The following LRFN5 variants were observed in gnomAD, a reference collection of about 807,000 sequenced individuals.
LRFN5 encodes leucine rich repeat and fibronectin type III domain containing 5, also known as leucine-rich repeat and fibronectin type-III domain-containing protein 5.
A neutral mutation model predicts 45.6 loss-of-function variants in LRFN5; 24 were observed. The ratio of observed to expected loss-of-function variants is 0.53; its 90% confidence interval spans 0.38 to 0.74. The LOEUF is 0.74. Among genes scored for constraint, LRFN5 ranks in the 30% least tolerant of loss-of-function variants. The pLI is 0.00. For synonymous variants in LRFN5, 340 were observed against 313.8 expected (o/e 1.08, Z -0.88); for missense variants, 776 against 861.5 (o/e 0.90, Z 1.24).
Position 41,887,405 on chromosome 14 carries a change from A to G in LRFN5, c.780A>G (p.Leu260=), listed in dbSNP as rs1890612724. ...GGCGTCTGTCCAGAGAAGATGACTT[A>G]GAGACCTGTGCTTCTCCTCCACTTT... is the stretch of plus-strand genomic sequence containing the variant. ...WLRRLSREDD[L]ETCASPPLLT... Residue 260 remains leucine, a synonymous_variant, in exon 3 of 6, where the codon TTA becomes TTG. Transcript: ENST00000298119. This position sits in a 1 kb window ranked among gnomAD's most constrained non-coding sequence, Gnocchi z 4.8. The G allele has an allele frequency of 6.2e-7, 1 of 1,614,100 alleles. No homozygotes were observed. Among genetic ancestry groups the G allele is most frequent in the Admixed American group, 1.7e-5 (1 of 60,012 alleles).
chr14:41,629,106 T>G (rs1017922683), intron 1 of LRFN5, among the ~76,000 whole-genome samples: 1 of 151,770 alleles, frequency 6.6e-6, no homozygotes, highest in Non-Finnish European at 1.5e-5. Context: ...GTCTCTACAT[T>G]TGCAAAAAAA....
chr14:41,740,475 C>G (rs549210608), intron 1 of LRFN5, among the ~76,000 whole-genome samples: 2 of 151,882 alleles, frequency 1.3e-5, no homozygotes, highest in African/African-American at 4.8e-5. Flanking sequence ...TCAATAGATA[C>G]AGAAAAAACA....
At chr14:41,643,100 T>G (rs1324251853) in intron 1 of LRFN5, among the ~76,000 whole-genome samples, 1 of 152,184 alleles carries the variant, frequency 6.6e-6, no homozygotes, top group Non-Finnish European at 1.5e-5. Context: ...AAATACAGCA[T>G]TTAGAAAAAT....
At chr14:41,654,524 TGA>T (rs1880285168) in intron 1 of LRFN5, among the ~76,000 whole-genome samples, 1 of 152,010 alleles carries the variant, frequency 6.6e-6, no homozygotes, top group Admixed American at 6.6e-5. Flanking sequence ...AGGATCGAGT[TGA>T]AGGGCTTAGA....
chr14:41,631,121 A>G (rs1304047493), intron 1 of LRFN5, among the ~76,000 whole-genome samples: 2 of 152,120 alleles, frequency 1.3e-5, no homozygotes, highest in East Asian at 1.9e-4. Flanking sequence ...TTAAACTCAA[A>G]CTTGCTCTCT....
At chr14:41,854,916 T>A (rs1889400432) in intron 2 of LRFN5, among the ~76,000 whole-genome samples, 1 of 152,198 alleles carries the variant, frequency 6.6e-6, no homozygotes, top group Non-Finnish European at 1.5e-5. Flanking sequence ...CTTATATGTA[T>A]CTATGGCATG....
chr14:41,747,756 A>G (rs1288249830), intron 1 of LRFN5, among the ~76,000 whole-genome samples: 2 of 152,016 alleles, frequency 1.3e-5, no homozygotes, highest in African/African-American at 4.8e-5. Flanking sequence ...AGTATTTGGA[A>G]ATTATATATA....
At chr14:41,706,026 T>C (rs916185325) in intron 1 of LRFN5, among the ~76,000 whole-genome samples, 2 of 152,236 alleles carry the variant, frequency 1.3e-5, no homozygotes, top group Non-Finnish European at 2.9e-5. Context: ...TTCAACCATA[T>C]GCACATTGAT....
At chr14:41,770,954 A>G (rs1463251303) in intron 2 of LRFN5, among the ~76,000 whole-genome samples, 3 of 150,740 alleles carry the variant, frequency 2.0e-5, no homozygotes, top group Non-Finnish European at 4.4e-5. Context: ...TTTCCTATAT[A>G]TCCTCTGAAA....
rs936649981 is a variant in LRFN5, at chr14:41,843,254, G to A, written c.-20-43352G>A. Among the ~76,000 whole-genome samples the A allele has an allele frequency of 2.0e-5, 3 of 151,392 alleles. No homozygotes were observed. In the South Asian group the frequency reaches 6.2e-4, roughly 32 times the overall value. ...TACTGTATGCATACCATCATGCCCA[G>A]CTATATTCTAAATTTGTTTTGTAGA... On this transcript the variant is annotated intron_variant, in intron 2 of 5. Transcript: ENST00000298119.
At chr14:41,789,578 A>G (rs1244428073) in intron 2 of LRFN5, among the ~76,000 whole-genome samples, 1 of 151,822 alleles carries the variant, frequency 6.6e-6, no homozygotes, top group Non-Finnish European at 1.5e-5. Flanking sequence ...TACAAAGGCT[A>G]CTCTACCTGG....
chr14:41,895,418 G>A (rs1206502002), intron 4 of LRFN5, among the ~76,000 whole-genome samples: 2 of 152,116 alleles, frequency 1.3e-5, no homozygotes, highest in African/African-American at 4.8e-5. Flanking sequence ...GAGGTCAGGA[G>A]TTAGAGACCA....
At chr14:41,768,972 G>C (rs759715735) in intron 2 of LRFN5, among the ~76,000 whole-genome samples, 54 of 151,916 alleles carry the variant, frequency 3.6e-4, no homozygotes, top group Admixed American at 7.9e-4. Flanking sequence ...TGCTTGATTT[G>C]GTTTTTTAAA....
intron 2 of LRFN5, among the ~76,000 whole-genome samples, chr14:41,777,321 T>C (rs961548962): frequency 2.0e-5 from 3 of 151,730 alleles, no homozygotes; most frequent in Middle Eastern, 3.5e-3. Context: ...ATAATTACTC[T>C]ATCAATGTTC....
chr14:41,871,886 C>T (rs1340635106), intron 2 of LRFN5, among the ~76,000 whole-genome samples: 1 of 152,092 alleles, frequency 6.6e-6, no homozygotes, highest in African/African-American at 2.4e-5. Flanking sequence ...GGACATTAGC[C>T]AACACTTGTA....
intron 2 of LRFN5, among the ~76,000 whole-genome samples, chr14:41,770,644 C>T (rs893845402): frequency 2.0e-5 from 3 of 152,178 alleles, no homozygotes; most frequent in Non-Finnish European, 4.4e-5. Flanking sequence ...AGGATGGGCC[C>T]CCAAGGACTT....
chr14:41,676,985 C>T lies in LRFN5; in HGVS notation c.-197+68423C>T, dbSNP rs187401981. Among the ~76,000 whole-genome samples the T allele has an allele frequency of 5.9e-5, 9 of 152,250 alleles. No individual in the cohort carries two copies. In the East Asian group the frequency reaches 1.7e-3, roughly 29 times the overall value. The stretch of plus-strand genomic sequence containing the variant: ...AAACTTTCTGATATGTGCTATCAGC[C>T]TGCACAACACACATGCATCCAGAGA... On this transcript the variant is annotated intron_variant, in intron 1 of 5. Transcript: ENST00000298119.
chr14:41,883,903 A>G (rs1566503186), intron 2 of LRFN5, among the ~76,000 whole-genome samples: 1 of 152,084 alleles, frequency 6.6e-6, no homozygotes. Context: ...TGATATTGCA[A>G]TTACGTATAT....
chr14:41,806,549 A>G (rs1351731241), intron 2 of LRFN5, among the ~76,000 whole-genome samples: 5 of 152,164 alleles, frequency 3.3e-5, no homozygotes, highest in African/African-American at 1.2e-4. Context: ...TGATAATACT[A>G]AGTATTCTGA....
Sources: gnomAD v4.1 joint callset for allele counts (sites outside exome capture counted in the v4.1 genomes callset) on GRCh38, gnomAD v4.1.1 for gene constraint, Gnocchi (gnomAD v3.1) non-coding constraint, MANE v1.5 for transcripts, NCBI Gene and HGNC (gene_info 2026-07-23, HGNC 2026-07-21) for gene names.